Variants in FBXO11 observed in about 807,000 individuals in gnomAD.
The protein encoded by FBXO11 is F-box only protein 11.
In FBXO11, 13 loss-of-function variants were observed where a neutral mutation model predicts 117.0. The observed-to-expected ratio is 0.11, with a 90% CI of 0.07 to 0.18. The LOEUF (loss-of-function observed/expected upper bound fraction) is 0.18, where lower values mean the gene tolerates loss of function less well. FBXO11 is among the 10% of genes least tolerant of loss of function. The pLI is 1.00. For synonymous variants in FBXO11, 490 were observed against 380.5 expected (o/e 1.29, Z -3.35); for missense variants, 767 against 1,164.4 (o/e 0.66, Z 4.97).
intron 4 of FBXO11, among the ~76,000 whole-genome samples, chr2:47,837,242 G>A (rs1672652808): frequency 6.6e-6 from 1 of 152,116 alleles, no homozygotes; most frequent in African/African-American, 2.4e-5. Flanking sequence ...AATGTAAGGT[G>A]TGGGCCGGGC....
chr2:47,820,263 C>G, intron 14 of FBXO11, 99 bp downstream of exon 14: 5 of 760,416 alleles, frequency 6.6e-6, no homozygotes, highest in South Asian at 2.4e-5. Flanking sequence ...ATTCATACCT[C>G]AAAAGTTGAA....
At chr2:47,856,269 G>C (rs1379472686) in intron 1 of FBXO11, among the ~76,000 whole-genome samples, 2 of 152,124 alleles carry the variant, frequency 1.3e-5, no homozygotes, top group African/African-American at 4.8e-5. Flanking sequence ...CAGACACACA[G>C]AGACTTATAA....
intron 1 of FBXO11, among the ~76,000 whole-genome samples, chr2:47,860,095 G>C (rs1374286189): frequency 6.6e-6 from 1 of 152,174 alleles, no homozygotes; most frequent in African/African-American, 2.4e-5. Context: ...GGCACTAAAT[G>C]AGAGCTTAAG....
chr2:47,890,004 G>C (rs1045064218), intron 1 of FBXO11, among the ~76,000 whole-genome samples: 1 of 152,196 alleles, frequency 6.6e-6, no homozygotes, highest in African/African-American at 2.4e-5. Context: ...ATCCTGGAAA[G>C]AAAGAATCAC....
intron 16 of FBXO11, among the ~76,000 whole-genome samples, chr2:47,815,767 G>C (rs1670963979): frequency 6.6e-6 from 1 of 152,206 alleles, no homozygotes; most frequent in Admixed American, 6.5e-5. Context: ...AGGTTAGCGA[G>C]AGTTAGAAGT....
At chr2:47,812,808 CTTCA>C (rs2104654516) in intron 18 of FBXO11, 1 of 222,814 alleles carries the variant, frequency 4.5e-6, no homozygotes, top group East Asian at 1.3e-4. Context: ...CACATCTTGG[CTTCA>C]TTAATTCCAC....
chr2:47,889,947 T>A (rs905395633), intron 1 of FBXO11, among the ~76,000 whole-genome samples: 1 of 152,194 alleles, frequency 6.6e-6, no homozygotes, highest in Non-Finnish European at 1.5e-5. Flanking sequence ...ACTACCATAA[T>A]CAAATTATCT....
chr2:47,867,487 G>T (rs924833485), intron 1 of FBXO11, among the ~76,000 whole-genome samples: 2 of 152,078 alleles, frequency 1.3e-5, no homozygotes, highest in African/African-American at 2.4e-5. Flanking sequence ...AAGGGGTCAG[G>T]AAGTGCCAGA....
chr2:47,883,832 C>A, intron 1 of FBXO11: 1 of 209,450 alleles, frequency 4.8e-6, no homozygotes, highest in Non-Finnish European at 1.0e-5. Context: ...TGTGGTGCTG[C>A]AGTGTTTACA....
Position 47,895,895 on chromosome 2 carries a change from C to A in FBXO11, c.232+9594G>T, listed in dbSNP as rs193279567. Among the ~76,000 whole-genome samples the A allele has an allele frequency of 6.4e-4, 98 of 152,190 alleles. No homozygotes were observed. In the East Asian group the frequency reaches 0.016, roughly 25 times the overall value. On this transcript the variant is annotated intron_variant, in intron 1 of 22. Coordinates refer to ENST00000403359, the MANE Select transcript of FBXO11 (RefSeq NM_001190274.2). Reference sequence around the variant, plus strand: ...TATTTTTAGTAGAGACAGGGTTTCACCATGTTGGCCAGGCTGGTCTCGAAC... The same window carrying A: ...TATTTTTAGTAGAGACAGGGTTTCAACATGTTGGCCAGGCTGGTCTCGAAC...
At chr2:47,880,758 G>A (rs1270350480) in intron 1 of FBXO11, among the ~76,000 whole-genome samples, 2 of 152,122 alleles carry the variant, frequency 1.3e-5, no homozygotes, top group Non-Finnish European at 2.9e-5. Flanking sequence ...CACCTGGTAT[G>A]TTAAAATCAT....
At chr2:47,831,001 G>GT in intron 11 of FBXO11, among the ~76,000 whole-genome samples, 1 of 151,986 alleles carries the variant, frequency 6.6e-6, no homozygotes, top group Non-Finnish European at 1.5e-5. Flanking sequence ...GTTTCACCAT[G>GT]TTGTCCAGGC....
Position 47,807,690 on chromosome 2 carries a change from C to T in FBXO11, c.*428G>A, listed in dbSNP as rs1418038420. ...GTTAAAAAAAAAAAATCAAAAGGAACGCAGAAGTGCTAGCTCACATTTTTA... is the reference window on the plus strand; with the variant it reads ...GTTAAAAAAAAAAAATCAAAAGGAATGCAGAAGTGCTAGCTCACATTTTTA... On this transcript the variant is annotated 3_prime_UTR_variant, in exon 23 of 23. Coordinates refer to ENST00000403359, the MANE Select transcript of FBXO11 (RefSeq NM_001190274.2). The T allele has an allele frequency of 3.0e-5, 7 of 230,374 alleles. No individual in the cohort carries two copies. Among genetic ancestry groups the T allele is most frequent in the East Asian group, 6.4e-5 (1 of 15,558 alleles). 14.3% of individuals were successfully genotyped at this position (230,374 alleles called of 1,614,324 possible).
Position 47,807,132 on chromosome 2 carries a change from T to C in FBXO11, c.*986A>G. On this transcript the variant is annotated 3_prime_UTR_variant, in exon 23 of 23. Coordinates refer to ENST00000403359, the MANE Select transcript of FBXO11 (RefSeq NM_001190274.2). ...CACATAAATGGGGGAGGAAAAGCTA[T>C]GAAACTGTATAGGGCTGTATATATA... 1 of 461,254 alleles carries C rather than the reference T, an allele frequency of 2.2e-6. No homozygotes were observed. Among genetic ancestry groups the C allele is most frequent in the Non-Finnish European group, 3.9e-6 (1 of 256,876 alleles). 28.6% of individuals were successfully genotyped at this position (461,254 alleles called of 1,614,324 possible). A position where few individuals can be genotyped will look rare whatever the true frequency, so the allele number is the denominator to read the frequency against.
At chr2:47,840,370 G>C (rs1672924904) in intron 1 of FBXO11, among the ~76,000 whole-genome samples, 1 of 151,964 alleles carries the variant, frequency 6.6e-6, no homozygotes, top group Admixed American at 6.6e-5. Flanking sequence ...GTGTGTCTAT[G>C]AAGAGGAACG....
intron 1 of FBXO11, among the ~76,000 whole-genome samples, chr2:47,847,249 A>C (rs970557162): frequency 6.6e-6 from 1 of 151,776 alleles, no homozygotes; most frequent in African/African-American, 2.4e-5. Flanking sequence ...TGTCTCAAAC[A>C]AACAAACAAA....
intron 1 of FBXO11, among the ~76,000 whole-genome samples, chr2:47,863,854 T>A (rs1013664375): frequency 1.8e-4 from 28 of 151,836 alleles, no homozygotes; most frequent in Non-Finnish European, 2.9e-5. Context: ...GGCAGGAGAA[T>A]TGCTTGAACC....
rs1670277402 is a variant in FBXO11 at position 47,807,247 on chromosome 2, C to CAGGACTGTTTGTTTTGAAGAGACTTTCTA, written c.*842_*870dup. On this transcript the variant is annotated 3_prime_UTR_variant, in exon 23 of 23. Transcript: ENST00000403359. ...AAAAACTATGAACAGAGTTCAAATA[C>CAGGACTGTTTGTTTTGAAGAGACTTTCTA]AGGACTGTTTGTTTTGAAGAGACTT... 1 of 233,998 alleles carries CAGGACTGTTTGTTTTGAAGAGACTTTCTA rather than the reference C, an allele frequency of 4.3e-6. No individual in the cohort carries two copies. Among genetic ancestry groups the CAGGACTGTTTGTTTTGAAGAGACTTTCTA allele is most frequent in the Admixed American group, 5.3e-5 (1 of 18,928 alleles). The allele number at this position is 233,998 out of a possible 1,614,324, so 14.5% of individuals were successfully genotyped here.
chr2:47,818,671 A>C (rs1457453643), intron 16 of FBXO11, 108 bp downstream of exon 16: 1 of 712,300 alleles, frequency 1.4e-6, no homozygotes, highest in Non-Finnish European at 2.4e-6. Context: ...GAATATATAT[A>C]CAATAGGGGG....
Sources: gnomAD v4.1 joint callset for allele counts (sites outside exome capture counted in the v4.1 genomes callset) on GRCh38, gnomAD v4.1.1 for gene constraint, MANE v1.5 for transcripts, NCBI Gene and HGNC (gene_info 2026-07-23, HGNC 2026-07-21) for gene names.